The following ELN variants were observed in gnomAD, a reference collection of about 807,000 sequenced individuals.
The protein encoded by ELN is tropoelastin.
ELN carries 65 observed loss-of-function variants against 105.8 expected under a neutral mutation model. That is an observed-to-expected ratio of 0.61 (90% confidence interval 0.50 to 0.75). The LOEUF is 0.75. Among genes scored for constraint, ELN ranks in the 30% least tolerant of loss-of-function variants. The pLI is 0.00. For synonymous variants in ELN, 368 were observed against 389.2 expected (o/e 0.95, Z 0.64); for missense variants, 882 against 969.4 (o/e 0.91, Z 1.20).
chr7:74,063,425 G>C lies in ELN; in HGVS notation c.1918+56G>C. 6.5e-7 allele frequency: 1 copy of C among 1,547,036 alleles called. No homozygotes were observed. Reference sequence around the variant, plus strand: ...CCAGGCCCCCAGGCCCCCAGGGTGTGGGAGGAGCTTCTGACCAGGCACTGT... The same window carrying C: ...CCAGGCCCCCAGGCCCCCAGGGTGTCGGAGGAGCTTCTGACCAGGCACTGT... On this transcript the variant is annotated intron_variant, in intron 28 of 32. Coordinates refer to ENST00000252034, the MANE Select transcript of ELN (RefSeq NM_000501.4). The surrounding 1 kb of genome is among the most constrained non-coding windows in gnomAD (Gnocchi z 4.1).
intron 13 of ELN, 105 bp downstream of exon 13, chr7:74,047,821 G>A: frequency 6.6e-7 from 1 of 1,521,176 alleles, no homozygotes; most frequent in Non-Finnish European, 9.1e-7. Context: ...CACCTCGCTG[G>A]GGCAGGGTTG....
In ELN at chr7:74,063,469, C is replaced by T; in HGVS notation, c.1918+100C>T. ...GCACTGTAGACTCAGAGTCCCTGCC[C>T]CAGACACCTCCTGGCTCCACTGTGC... is the stretch of plus-strand genomic sequence containing the variant. On this transcript the variant is annotated intron_variant, in intron 28 of 32. Transcript: ENST00000252034. The surrounding 1 kb of genome is among the most constrained non-coding windows in gnomAD (Gnocchi z 4.1). 1.3e-6 allele frequency: 2 copies of T among 1,592,178 alleles called. No individual in the cohort carries two copies. Among genetic ancestry groups the T allele is most frequent in the African/African-American group, 1.3e-5 (1 of 74,528 alleles).
intron 8 of ELN, 36 bp downstream of exon 8, chr7:74,043,204 G>T (rs1462757697): frequency 3.8e-6 from 6 of 1,561,686 alleles, no homozygotes; most frequent in Non-Finnish European, 5.2e-6. Flanking sequence ...AGGACAGAGG[G>T]CAGGGAGGGG....
intron 15 of ELN, among the ~76,000 whole-genome samples, chr7:74,051,534 G>A (rs1794028202): frequency 6.6e-6 from 1 of 152,176 alleles, no homozygotes; most frequent in South Asian, 2.1e-4. Context: ...AAACATACAA[G>A]TCCCTTAATG....
chr7:74,058,102 CCCT>C (rs1263064725), intron 22 of ELN, among the ~76,000 whole-genome samples: 3 of 145,600 alleles, frequency 2.1e-5, no homozygotes, highest in South Asian at 2.2e-4. Context: ...TTCTCCTTCT[CCCT>C]CCTCCTCCTT....
Position 74,046,718 on chromosome 7 carries a change from G to A in ELN, c.594G>A (p.Pro198=), listed in dbSNP as rs140337204. The stretch of plus-strand genomic sequence containing the variant: ...CAGGAGTTGGACCCTTTGGGGGACC[G>A]CAACCTGGAGTCCCACTGGGGTATC... ...GIPGVGPFGG[P]QPGVPLGYPI... The change falls in exon 12 of 33, where the codon CCG becomes CCA. Residue 198 remains proline (P), a synonymous_variant. Transcript: ENST00000252034. 6.1e-5 allele frequency: 98 copies of A among 1,614,050 alleles called. No individual in the cohort carries two copies. Among genetic ancestry groups the A allele is most frequent in the Non-Finnish European group, 7.4e-5 (87 of 1,180,024 alleles).
At chr7:74,037,772 A>C in intron 4 of ELN, 33 bp downstream of exon 4, 2 of 1,607,172 alleles carry the variant, frequency 1.2e-6, no homozygotes, top group South Asian at 2.2e-5. Context: ...ATTGAGAGAC[A>C]GCGAGGGAGC....
intron 1 of ELN, among the ~76,000 whole-genome samples, chr7:74,032,206 G>A (rs140983743): frequency 1.3e-5 from 2 of 152,156 alleles, no homozygotes; most frequent in East Asian, 3.9e-4. Flanking sequence ...TGGGCTAGTC[G>A]GTGAAACATG....
At chr7:74,040,299 T>G (rs1859761) in intron 4 of ELN, among the ~76,000 whole-genome samples, 137,277 of 152,282 alleles carry the variant, frequency 0.9, 61,970 homozygotes, top group African/African-American at 0.95. Context: ...CGCAGGTGGG[T>G]CTGGCCCGGG....
At chr7:74,053,972 G>T (rs1794710765) in intron 18 of ELN, among the ~76,000 whole-genome samples, 1 of 152,018 alleles carries the variant, frequency 6.6e-6, no homozygotes, top group African/African-American at 2.4e-5. Flanking sequence ...GTGGATGAAT[G>T]GGTAGATGGG....
At chr7:74,034,044 C>T (rs1202995812) in intron 1 of ELN, among the ~76,000 whole-genome samples, 15 of 152,174 alleles carry the variant, frequency 9.9e-5, no homozygotes, top group South Asian at 6.2e-4. Context: ...CCTGTCTGGC[C>T]GGTGAATTCG....
chr7:74,028,474 C>T (rs1181631412), intron 1 of ELN, among the ~76,000 whole-genome samples: 1 of 152,218 alleles, frequency 6.6e-6, no homozygotes, highest in Admixed American at 6.5e-5. Flanking sequence ...GAGACACCCT[C>T]GACTCAGAAT....
chr7:74,043,779 G>A (rs1584547759), intron 8 of ELN, 100 bp from the exon 9 acceptor site: 1 of 1,495,026 alleles, frequency 6.7e-7, no homozygotes, highest in Non-Finnish European at 9.2e-7. Flanking sequence ...CACAGAGGCT[G>A]TGGGTTTGAG....
At chr7:74,037,903 T>TA (rs1790357824) in intron 4 of ELN, 164 bp downstream of exon 4, 1 of 1,051,198 alleles carries the variant, frequency 9.5e-7, no homozygotes, top group African/African-American at 1.6e-5. Context: ...CAAGGATGAG[T>TA]AGGCCGGGGC....
Position 74,045,082 on chromosome 7 carries a change from C to T in ELN, c.470-140C>T, listed in dbSNP as rs192265671. 50 of 895,010 alleles carry T rather than the reference C, an allele frequency of 5.6e-5. 1 individual carries two copies. In the African/African-American group the frequency reaches 7.1e-4, roughly 13 times the overall value. 55.4% of individuals were successfully genotyped at this position (895,010 alleles called of 1,614,324 possible). A position where few individuals can be genotyped will look rare whatever the true frequency, so the allele number is the denominator to read the frequency against. ...AAAGTCAGCACTAAACAGGTCCTTT[C>T]TCCACCCACCCCGTGAGCCGTGCCT... is the stretch of plus-strand genomic sequence containing the variant. On this transcript the variant is annotated intron_variant, in intron 9 of 32. Coordinates refer to ENST00000252034, the MANE Select transcript of ELN (RefSeq NM_000501.4).
rs1793000895 is a variant in ELN at position 74,048,129 on chromosome 7, C to T, written c.686-13C>T. 4 of 1,614,028 alleles carry T rather than the reference C, an allele frequency of 2.5e-6. No individual in the cohort carries two copies. ...GTCTGCACAGATGACCATCAAGCCT[C>T]TCTGTTTTGCAGGCTATGGGCCCGG... On this transcript the variant is annotated splice_polypyrimidine_tract_variant and intron_variant, in intron 13 of 32. Transcript: ENST00000252034.
chr7:74,045,906 G>A (rs1284479973), intron 10 of ELN: 2 of 481,098 alleles, frequency 4.2e-6, no homozygotes, highest in Admixed American at 6.7e-5. Context: ...GTGGTGGCCT[G>A]CACCTGTAAT....
rs1160264418 is a variant in ELN at position 74,069,403 on chromosome 7, C to T, written c.*703C>T. 4.3e-6 allele frequency: 1 copy of T among 235,136 alleles called. No individual in the cohort carries two copies. Among genetic ancestry groups the T allele is most frequent in the Non-Finnish European group, 8.4e-6 (1 of 119,114 alleles). 14.6% of individuals were successfully genotyped at this position (235,136 alleles called of 1,614,324 possible). The stretch of plus-strand genomic sequence containing the variant: ...CCAGTTGACCGCCCGGCACCACTAG[C>T]TGGCTGGGTGCACCCACCATCAACC... On this transcript the variant is annotated 3_prime_UTR_variant, in exon 33 of 33. Transcript: ENST00000252034.
chr7:74,032,317 G>A (rs1478304280), intron 1 of ELN, among the ~76,000 whole-genome samples: 1 of 152,330 alleles, frequency 6.6e-6, no homozygotes, highest in East Asian at 1.9e-4. Context: ...AAAGGCAGGC[G>A]GGAGAGTCTG....
Sources: allele counts gnomAD v4.1 joint callset (sites outside exome capture counted in the v4.1 genomes callset), GRCh38; gene constraint gnomAD v4.1.1; non-coding constraint Gnocchi (gnomAD v3.1); transcripts MANE v1.5; gene names NCBI Gene and HGNC (gene_info 2026-07-23, HGNC 2026-07-21).